PRKACB: variants seen among roughly 807,000 people sequenced by gnomAD.
PRKACB encodes cAMP-dependent protein kinase catalytic subunit beta.
In PRKACB, 16 loss-of-function variants were observed where a neutral mutation model predicts 51.4. That is an observed-to-expected ratio of 0.31 (90% CI 0.21 to 0.47). PRKACB has a LOEUF of 0.47. Among genes scored for constraint, PRKACB ranks in the 20% least tolerant of loss-of-function variants. PRKACB has a pLI of 1.00. For missense variants in PRKACB, 309 were observed against 464.5 expected (o/e 0.67, Z 3.08); for synonymous variants, 147 against 154.4 (o/e 0.95, Z 0.35).
intron 5 of PRKACB, among the ~76,000 whole-genome samples, chr1:84,195,210 T>C (rs1207977335): frequency 6.6e-6 from 1 of 152,216 alleles, no homozygotes; most frequent in Non-Finnish European, 1.5e-5. Context: ...TGGCATACAA[T>C]GTGGATTGAC....
intron 1 of PRKACB, among the ~76,000 whole-genome samples, chr1:84,097,530 TA>T (rs1323351802): frequency 6.6e-6 from 1 of 152,026 alleles, no homozygotes; most frequent in Non-Finnish European, 1.5e-5. Context: ...GGAGAAAGAT[TA>T]TTTCTATAAT....
Position 84,159,144 on chromosome 1 carries a change from TTCTG to T in PRKACB, c.187+14597_187+14600del, listed in dbSNP as rs1319889393. 2.0e-5 allele frequency among the ~76,000 whole-genome samples: 3 copies of T among 152,250 alleles called. No individual in the cohort carries two copies. The East Asian group carries it at 5.8e-4, about 29-fold the overall frequency. On this transcript the variant is annotated intron_variant, in intron 1 of 9. Transcript: ENST00000370685. ...GGGTCCTTTGCATTTTCATATAAAT[TTCTG>T]GATCAATTTGTCAGTTTCTAAAGAA...
At chr1:84,150,263 G>A (rs141830822) in intron 1 of PRKACB, among the ~76,000 whole-genome samples, 1,705 of 152,226 alleles carry the variant, frequency 0.011, 42 homozygotes, top group African/African-American at 0.039. Flanking sequence ...GGGTGACAGA[G>A]TGAGACTCTA....
intron 9 of PRKACB, among the ~76,000 whole-genome samples, chr1:84,220,325 A>AT (rs368372696): frequency 6.6e-6 from 1 of 151,746 alleles, no homozygotes; most frequent in African/African-American, 2.4e-5. Context: ...ACCTTTACTT[A>AT]TTTTTTTATG....
intron 1 of PRKACB, among the ~76,000 whole-genome samples, chr1:84,147,531 TAGTA>T (rs1654267962): frequency 6.6e-6 from 1 of 152,028 alleles, no homozygotes; most frequent in South Asian, 2.1e-4. Context: ...TACTATATCA[TAGTA>T]AGTAAGCAAG....
chr1:84,151,079 T>A (rs1397530101), intron 1 of PRKACB, among the ~76,000 whole-genome samples: 5 of 152,104 alleles, frequency 3.3e-5, no homozygotes, highest in African/African-American at 9.7e-5. Context: ...TGGCAAAAAA[T>A]TTAAGATTGA....
At chr1:84,199,969 C>G (rs1669602563) in intron 7 of PRKACB, among the ~76,000 whole-genome samples, 1 of 152,058 alleles carries the variant, frequency 6.6e-6, no homozygotes, top group Non-Finnish European at 1.5e-5. Flanking sequence ...CTTCAGGCTC[C>G]CAAGTAGCTG....
At chr1:84,113,137 T>C (rs1192721614) in intron 1 of PRKACB, among the ~76,000 whole-genome samples, 2 of 152,174 alleles carry the variant, frequency 1.3e-5, no homozygotes, top group Non-Finnish European at 2.9e-5. Flanking sequence ...TGAAATATGA[T>C]TTAAAATGAG....
At chr1:84,197,906 T>C in intron 7 of PRKACB, 82 bp downstream of exon 7, 1 of 944,364 alleles carries the variant, frequency 1.1e-6, no homozygotes, top group Non-Finnish European at 1.6e-6. Context: ...AGTTTATTGA[T>C]CTAATTTTAC....
chr1:84,144,720 T>G (rs1391585750), intron 1 of PRKACB, among the ~76,000 whole-genome samples, 172 bp downstream of exon 1: 5 of 152,204 alleles, frequency 3.3e-5, no homozygotes, highest in Admixed American at 2.6e-4. Context: ...TAAGTTGAGC[T>G]GAATCATTCA....
At chr1:84,204,815 T>C (rs990305616) in intron 8 of PRKACB, 19 of 946,750 alleles carry the variant, frequency 2.0e-5, no homozygotes, top group Admixed American at 5.8e-5. Context: ...TTTACATTTA[T>C]TAAGAAAAAC....
At chr1:84,216,066 G>T (rs1672839166) in intron 9 of PRKACB, among the ~76,000 whole-genome samples, 2 of 151,940 alleles carry the variant, frequency 1.3e-5, no homozygotes, top group Non-Finnish European at 2.9e-5. Context: ...GGGTGCCCTG[G>T]CTCACACCTG....
At chr1:84,222,894 AG>A (rs1317741427) in intron 9 of PRKACB, among the ~76,000 whole-genome samples, 2 of 152,068 alleles carry the variant, frequency 1.3e-5, no homozygotes, top group Non-Finnish European at 2.9e-5. Context: ...AGTCTGATGG[AG>A]GTTCCCTTAT....
intron 1 of PRKACB, among the ~76,000 whole-genome samples, chr1:84,098,490 G>A (rs890389666): frequency 3.9e-5 from 6 of 152,040 alleles, no homozygotes; most frequent in Non-Finnish European, 5.9e-5. Context: ...ATGTCTCAGA[G>A]CAGTAGAAAG....
intron 1 of PRKACB, among the ~76,000 whole-genome samples, chr1:84,147,449 A>C (rs74095508): frequency 6.6e-6 from 1 of 151,906 alleles, no homozygotes; most frequent in East Asian, 1.9e-4. Context: ...AGCTTTTTCC[A>C]CTTGAAACTA....
intron 1 of PRKACB, among the ~76,000 whole-genome samples, chr1:84,096,858 A>G (rs1209633683): frequency 1.3e-5 from 2 of 152,056 alleles, no homozygotes; most frequent in African/African-American, 4.8e-5. Flanking sequence ...CAATATATGC[A>G]AATTAACAGC....
At chr1:84,186,512 C>A (rs1323828802) in intron 5 of PRKACB, among the ~76,000 whole-genome samples, 1 of 152,132 alleles carries the variant, frequency 6.6e-6, no homozygotes, top group African/African-American at 2.4e-5. Context: ...AGCTACCACA[C>A]CTGGCCTTAA....
chr1:84,087,227 G>A (rs892257277), intron 1 of PRKACB, among the ~76,000 whole-genome samples: 1 of 152,206 alleles, frequency 6.6e-6, no homozygotes, highest in Non-Finnish European at 1.5e-5. Flanking sequence ...TGAATAAACT[G>A]TATATATACA....
At chr1:84,097,201 G>C (rs751861242) in intron 1 of PRKACB, among the ~76,000 whole-genome samples, 2 of 151,856 alleles carry the variant, frequency 1.3e-5, no homozygotes, top group Admixed American at 6.6e-5. Context: ...TGTGAACATT[G>C]TTGACCATTT....
Sources: allele counts gnomAD v4.1 joint callset (sites outside exome capture counted in the v4.1 genomes callset), GRCh38; gene constraint gnomAD v4.1.1; transcripts MANE v1.5; gene names NCBI Gene and HGNC (gene_info 2026-07-23, HGNC 2026-07-21).